The following STMN1 variants were observed in gnomAD, a reference collection of about 807,000 sequenced individuals.
The protein encoded by STMN1 is stathmin.
A neutral mutation model predicts 19.7 loss-of-function variants in STMN1; 3 were observed. That is an observed-to-expected ratio of 0.15 (90% CI 0.07 to 0.39). The LOEUF is 0.39. STMN1 is among the 10% of genes least tolerant of loss of function. STMN1 has a pLI of 1.00. For missense variants in STMN1, 99 were observed against 176.0 expected, an observed-to-expected ratio of 0.56 and a Z score of 2.48; for synonymous variants, 59 against 58.9, an observed-to-expected ratio of 1.00 and a Z score of -0.01.
intron 3 of STMN1, 125 bp downstream of exon 3, chr1:25,903,516 C>T (rs1253765453): frequency 7.8e-7 from 1 of 1,288,918 alleles, no homozygotes; most frequent in African/African-American, 1.5e-5. Flanking sequence ...TATTTCCTTC[C>T]AGTCACTGGC....
At chr1:25,898,179 G>A (rs922406980), downstream of STMN1, among the ~76,000 whole-genome samples, 5 of 149,740 alleles carry the variant, frequency 3.3e-5, no homozygotes, top group African/African-American at 1.3e-4. Flanking sequence ...GGGCCTGCCT[G>A]GAGGGCCTGC....
chr1:25,894,103 T>C (rs148786942), intron 4 of STMN1, among the ~76,000 whole-genome samples: 78 of 152,260 alleles, frequency 5.1e-4, no homozygotes, highest in Non-Finnish European at 8.4e-4. Flanking sequence ...TTGTATTGAA[T>C]GGGTAACATG....
At chr1:25,904,844 G>T in intron 1 of STMN1, 106 bp from the exon 2 acceptor site, 1 of 675,030 alleles carries the variant, frequency 1.5e-6, no homozygotes, top group Non-Finnish European at 2.3e-6. Context: ...AGAAAAATAC[G>T]TGGAATAAAG....
At chr1:25,894,296 C>G (rs954546541) in intron 4 of STMN1, among the ~76,000 whole-genome samples, 6 of 152,110 alleles carry the variant, frequency 3.9e-5, no homozygotes, top group Admixed American at 3.3e-4. Context: ...CTCCACCAGG[C>G]TGTTGGGGAC....
At position 25,900,943 on chromosome 1, in the gene STMN1, A is replaced by G; in HGVS notation, c.*73T>C. On this transcript the variant is annotated 3_prime_UTR_variant, in exon 5 of 5. Coordinates refer to ENST00000455785, the MANE Select transcript of STMN1 (RefSeq NM_005563.4). ...AAATATTTGTCAGGAGGGAAAAAAT[A>G]AAATGACACTGGCCAGTACAGTCTT... 3 of 1,605,630 alleles carry G rather than the reference A, an allele frequency of 1.9e-6. No homozygotes were observed. Among genetic ancestry groups the G allele is most frequent in the Non-Finnish European group, 2.5e-6 (3 of 1,176,802 alleles).
chr1:25,894,417 T>C (rs535461348), intron 4 of STMN1, among the ~76,000 whole-genome samples: 3 of 152,300 alleles, frequency 2.0e-5, no homozygotes, highest in Admixed American at 6.5e-5. Context: ...CGATGGCCCA[T>C]GCCTGTAATC....
At chr1:25,888,477 A>G (rs571282307) in intron 4 of STMN1, among the ~76,000 whole-genome samples, 1 of 152,286 alleles carries the variant, frequency 6.6e-6, no homozygotes, top group African/African-American at 2.4e-5. Context: ...TCCTCAATAA[A>G]TATTTCTTGA....
At chr1:25,900,025 G>C (rs560011176), downstream of STMN1, 2 of 925,664 alleles carry the variant, frequency 2.2e-6, no homozygotes, top group South Asian at 9.9e-5. Context: ...ACAGCCTCTG[G>C]ATACAAGATG....
At chr1:25,893,829 C>T (rs1039779716) in intron 4 of STMN1, among the ~76,000 whole-genome samples, 2 of 152,220 alleles carry the variant, frequency 1.3e-5, no homozygotes, top group African/African-American at 4.8e-5. Flanking sequence ...GTGTGAGCCA[C>T]TGCGCCTGGC....
At chr1:25,901,354 C>T (rs932610571) in intron 4 of STMN1, 137 bp downstream of exon 4, 3 of 1,198,158 alleles carry the variant, frequency 2.5e-6, no homozygotes, top group Non-Finnish European at 3.5e-6. Flanking sequence ...TTAAAATATA[C>T]CTTTCATTTA....
chr1:25,895,277 T>C (rs1327976908), downstream of STMN1, among the ~76,000 whole-genome samples: 1 of 151,980 alleles, frequency 6.6e-6, no homozygotes, highest in African/African-American at 2.4e-5. Context: ...TAATCTTGTT[T>C]TTGTATTTTT....
chr1:25,886,527 G>A (rs1572289862), intron 4 of STMN1, among the ~76,000 whole-genome samples: 2 of 148,416 alleles, frequency 1.3e-5, no homozygotes, highest in Non-Finnish European at 3.0e-5. Context: ...CTGCCATCTC[G>A]CCTCTCTCCA....
chr1:25,901,188 A>C, intron 4 of STMN1, 101 bp from the exon 5 acceptor site: 1 of 1,544,466 alleles, frequency 6.5e-7, no homozygotes, highest in Non-Finnish European at 8.7e-7. Context: ...GGCCCAACAC[A>C]ACCTCAGTGC....
At chr1:25,886,007 A>C in intron 4 of STMN1, 1 of 1,235,728 alleles carries the variant, frequency 8.1e-7, no homozygotes, top group East Asian at 2.8e-5. Context: ...ATCTTTAAAA[A>C]ATACTGACAC....
At chr1:25,888,874 G>C in intron 4 of STMN1, 1 of 287,786 alleles carries the variant, frequency 3.5e-6, no homozygotes, top group South Asian at 3.5e-5. Context: ...AAAGGTACAA[G>C]GAGCCAGACA....
downstream of STMN1, among the ~76,000 whole-genome samples, chr1:25,896,031 G>T (rs187415452): frequency 3.5e-3 from 539 of 152,274 alleles, 6 homozygotes; most frequent in Non-Finnish European, 3.7e-3. Flanking sequence ...GTGACAGGAG[G>T]AGTCCCTGTT....
downstream of STMN1, among the ~76,000 whole-genome samples, chr1:25,895,512 G>A (rs1287034106): frequency 1.3e-5 from 2 of 152,194 alleles, no homozygotes; most frequent in African/African-American, 4.8e-5. Context: ...GGGGCAGGGC[G>A]GATCCAGCGA....
chr1:25,897,368 G>T (rs2048828593), downstream of STMN1, among the ~76,000 whole-genome samples: 2 of 150,412 alleles, frequency 1.3e-5, no homozygotes, highest in East Asian at 2.0e-4. Context: ...ATTCCTAAAT[G>T]AACCACATTT....
intron 3 of STMN1, 29 bp downstream of exon 3, chr1:25,903,612 T>C (rs1407878580): frequency 1.9e-6 from 3 of 1,608,548 alleles, no homozygotes; most frequent in Non-Finnish European, 2.5e-6. Flanking sequence ...TAAATTAATA[T>C]CCTGCTTTCT....
Sources: allele counts gnomAD v4.1 joint callset (sites outside exome capture counted in the v4.1 genomes callset), GRCh38; gene constraint gnomAD v4.1.1; transcripts MANE v1.5; gene names NCBI Gene and HGNC (gene_info 2026-07-23, HGNC 2026-07-21).